Variants in SERINC5 observed in about 807,000 individuals in gnomAD.
SERINC5 encodes serine incorporator 5, also known as chromosome 5 open reading frame 12.
Under a neutral mutation model 63.1 loss-of-function variants are expected in SERINC5, and 41 were observed. The observed-to-expected ratio is 0.65, with a 90% CI of 0.51 to 0.84. The LOEUF is 0.84. Among genes scored for constraint, SERINC5 ranks in the 40% least tolerant of loss-of-function variants. The pLI is 0.00. For synonymous variants in SERINC5, 222 were observed against 215.2 expected (o/e 1.03, Z -0.28); for missense variants, 523 against 573.0 (o/e 0.91, Z 0.89).
intron 3 of SERINC5, 41 bp from the exon 4 acceptor site, chr5:80,177,438 G>A: frequency 1.3e-6 from 2 of 1,515,784 alleles, no homozygotes; most frequent in Non-Finnish European, 1.8e-6. Context: ...GTATTTAAAT[G>A]ACATTCAAGA....
At chr5:80,205,476 GA>G (rs1750110214) in intron 1 of SERINC5, among the ~76,000 whole-genome samples, 4 of 152,198 alleles carry the variant, frequency 2.6e-5, no homozygotes. Flanking sequence ...AGGAAATAAT[GA>G]GAGTATGTAA....
chr5:80,231,802 A>G (rs949852613), intron 1 of SERINC5, among the ~76,000 whole-genome samples: 2 of 152,274 alleles, frequency 1.3e-5, no homozygotes, highest in Middle Eastern at 3.4e-3. Flanking sequence ...CCAGACAAAA[A>G]TTAACTCATT....
At chr5:80,160,920 A>ATG (rs145818274) in intron 7 of SERINC5, among the ~76,000 whole-genome samples, 302 of 148,984 alleles carry the variant, frequency 2.0e-3, no homozygotes, top group Non-Finnish European at 2.6e-3. Context: ...AGATATATAT[A>ATG]TGTGTGTGTG....
chr5:80,169,234 C>T, intron 6 of SERINC5, 101 bp downstream of exon 6: 1 of 946,292 alleles, frequency 1.1e-6, no homozygotes, highest in Middle Eastern at 2.2e-4. Context: ...AAGGAATACA[C>T]TAGTTCCAAA....
At chr5:80,150,730 C>G (rs1746123584) in intron 9 of SERINC5, among the ~76,000 whole-genome samples, 152 bp downstream of exon 9, 1 of 152,222 alleles carries the variant, frequency 6.6e-6, no homozygotes, top group Non-Finnish European at 1.5e-5. Context: ...GCCACCACAC[C>G]CGGCCAGCAT....
intron 11 of SERINC5, among the ~76,000 whole-genome samples, chr5:80,125,020 G>T (rs1744694455): frequency 6.6e-6 from 1 of 152,230 alleles, no homozygotes; most frequent in African/African-American, 2.4e-5. Context: ...TGATGGCACA[G>T]TGAGACAGTT....
intron 2 of SERINC5, among the ~76,000 whole-genome samples, chr5:80,186,678 C>T (rs1748831067): frequency 6.6e-6 from 1 of 152,164 alleles, no homozygotes; most frequent in South Asian, 2.1e-4. Flanking sequence ...GTCCCTAAAA[C>T]AACTTCAATC....
intron 11 of SERINC5, among the ~76,000 whole-genome samples, chr5:80,115,251 C>A (rs1744285990): frequency 6.6e-6 from 1 of 152,028 alleles, no homozygotes; most frequent in Non-Finnish European, 1.5e-5. Context: ...TAGGGTGAAA[C>A]TGGGGGCACA....
At chr5:80,129,395 C>A (rs772624503) in intron 11 of SERINC5, among the ~76,000 whole-genome samples, 4 of 152,188 alleles carry the variant, frequency 2.6e-5, no homozygotes, top group Non-Finnish European at 4.4e-5. Context: ...AACTCATCTG[C>A]TGCACTCAAG....
chr5:80,145,639 T>C lies in SERINC5; in HGVS notation c.1238+451A>G, dbSNP rs527841713. Among the ~76,000 whole-genome samples the C allele has an allele frequency of 3.9e-5, 6 of 152,286 alleles. No individual in the cohort carries two copies. The East Asian group carries it at 1.2e-3, about 29-fold the overall frequency. ...TCCTATTTTTCCTTCATTACCATGT[T>C]TTCCAGACTGTCCATATAGAGCTAA... On this transcript the variant is annotated intron_variant, in intron 11 of 11. Transcript: ENST00000507668.
intron 1 of SERINC5, among the ~76,000 whole-genome samples, chr5:80,209,802 G>A (rs1388250108): frequency 6.6e-6 from 1 of 152,150 alleles, no homozygotes; most frequent in African/African-American, 2.4e-5. Flanking sequence ...CACTTTGGGA[G>A]GCACCCAGCA....
intron 12 of SERINC5, among the ~76,000 whole-genome samples, chr5:80,112,015 C>T (rs920964804): frequency 2.6e-5 from 4 of 152,206 alleles, no homozygotes; most frequent in East Asian, 1.9e-4. Flanking sequence ...TGCGGAAAGC[C>T]GCAGGGACCT....
Position 80,151,072 on chromosome 5 carries a change from TAAATC to T in SERINC5, c.987-129_987-125del, listed in dbSNP as rs1226807329. ...AATGTAACCTACCGTTCAGGAGACT[TAAATC>T]AAAGCAATCTATTTTAATACCTCTC... On this transcript the variant is annotated intron_variant, in intron 8 of 11. Transcript: ENST00000507668. 1.1e-5 allele frequency: 8 copies of T among 732,526 alleles called. No homozygotes were observed. The African/African-American group carries it at 1.4e-4, about 13-fold the overall frequency. The allele number at this position is 732,526 out of a possible 1,614,324, so 45.4% of individuals were successfully genotyped here.
At position 80,203,003 on chromosome 5, in the gene SERINC5, G is replaced by A. The variant is rs777435054; in HGVS notation, c.78C>T (p.Cys26=). ...SAGCSLCCDC[C]PRIRQSLSTR... ...TGCTGAGGGACTGCCGAATCCTGGG[G>A]CAGCAATCACAGCAGAGAGAGCAGC... The change falls in exon 2 of 12, where the codon TGC becomes TGT. Residue 26 remains cysteine (C), a synonymous_variant. Transcript: ENST00000507668. 2 of 1,613,216 alleles carry A rather than the reference G, an allele frequency of 1.2e-6. No homozygotes were observed. Among genetic ancestry groups the A allele is most frequent in the East Asian group, 2.2e-5 (1 of 44,844 alleles).
At chr5:80,214,076 G>A (rs1463157023) in intron 1 of SERINC5, among the ~76,000 whole-genome samples, 1 of 152,082 alleles carries the variant, frequency 6.6e-6, no homozygotes, top group African/African-American at 2.4e-5. Flanking sequence ...AATTACAGAA[G>A]GTTCATGTTG....
chr5:80,213,631 C>T (rs915184409), intron 1 of SERINC5, among the ~76,000 whole-genome samples: 1 of 152,150 alleles, frequency 6.6e-6, no homozygotes, highest in Non-Finnish European at 1.5e-5. Context: ...GTACAGTAAG[C>T]ATTCAGCAAG....
chr5:80,123,466 TGG>T (rs1164811186), intron 11 of SERINC5, among the ~76,000 whole-genome samples: 2 of 152,122 alleles, frequency 1.3e-5, no homozygotes, highest in Non-Finnish European at 2.9e-5. Flanking sequence ...GGGGAGATGG[TGG>T]AAGTTAGAGT....
chr5:80,224,039 A>G (rs923149716), intron 1 of SERINC5, among the ~76,000 whole-genome samples: 2 of 149,612 alleles, frequency 1.3e-5, no homozygotes, highest in South Asian at 2.1e-4. Flanking sequence ...AGGCTGAGGC[A>G]GGAGAATCGC....
intron 2 of SERINC5, 49 bp downstream of exon 2, chr5:80,202,837 C>G: frequency 1.3e-6 from 2 of 1,554,398 alleles, no homozygotes; most frequent in Non-Finnish European, 1.8e-6. Flanking sequence ...TTCCCACACA[C>G]CCTCATCAAA....
Sources: gnomAD v4.1 joint callset for allele counts (sites outside exome capture counted in the v4.1 genomes callset) on GRCh38, gnomAD v4.1.1 for gene constraint, MANE v1.5 for transcripts, NCBI Gene and HGNC (gene_info 2026-07-23, HGNC 2026-07-21) for gene names.